Variants in PBRM1 observed in about 807,000 individuals in gnomAD.
PBRM1 encodes protein polybromo-1.
A neutral mutation model predicts 194.5 loss-of-function variants in PBRM1; 27 were observed. The observed-to-expected ratio is 0.14, with a 90% CI of 0.10 to 0.19. PBRM1 has a LOEUF of 0.19. PBRM1 is among the 10% of genes least tolerant of loss of function. The probability of loss-of-function intolerance (pLI) is 1.00; values close to 1 mark genes in which losing one functional copy is unlikely to be tolerated. For synonymous variants in PBRM1, 655 were observed against 693.2 expected, an observed-to-expected ratio of 0.94 and a Z score of 0.87; for missense variants, 1,466 against 2,077.2, an observed-to-expected ratio of 0.71 and a Z score of 5.72.
intron 6 of PBRM1, 60 bp downstream of exon 7, chr3:52,651,682 G>GA (rs2096496748): frequency 3.3e-6 from 3 of 922,008 alleles, no homozygotes; most frequent in Non-Finnish European, 5.0e-6. Context: ...AAGCTTCTAG[G>GA]AAAGATCATA....
At position 52,609,578 on chromosome 3, in the gene PBRM1, C is replaced by T; in HGVS notation, c.2302G>A (p.Asp768Asn). Residue 768 changes from aspartate to asparagine, a missense_variant, in exon 16 of 30, where the codon GAC becomes AAC. Asp to Asn is a conservative substitution (Grantham distance 23). Around this residue, in one of 5 missense-constraint regions of PBRM1, gnomAD observed 687 missense variants for 946.2 expected, o/e 0.73. Transcript: ENST00000296302. The surrounding 1 kb of genome is among the most constrained non-coding windows in gnomAD (Gnocchi z 4.1). ...AAAGTCACATTTGGGACATGAGAGT[C>T]CTCATCTCCCTCCAGGTCTCTGCGT... is the stretch of plus-strand genomic sequence containing the variant. The T allele has an allele frequency of 6.2e-7, 1 of 1,613,360 alleles. No individual in the cohort carries two copies. The highest frequency in any genetic ancestry group is 8.5e-7 in the Non-Finnish European group (1 of 1,179,618).
chr3:52,652,990 T>G (rs1251329542), intron 5 of PBRM1, among the ~76,000 whole-genome samples: 1 of 152,102 alleles, frequency 6.6e-6, no homozygotes, highest in Non-Finnish European at 1.5e-5. Context: ...AGAGCAAGAT[T>G]CCGTCTCAAA....
chr3:52,572,692 A>G (rs1018668192), intron 22 of PBRM1, among the ~76,000 whole-genome samples: 2 of 152,246 alleles, frequency 1.3e-5, no homozygotes, highest in African/African-American at 4.8e-5. Context: ...CTGTTTAAGT[A>G]AATGAAAACA....
chr3:52,586,576 G>A (rs1374811960), exon 20 of PBRM1: 1 of 1,613,834 alleles, frequency 6.2e-7, no homozygotes, highest in Non-Finnish European at 8.5e-7. Context: ...TGAGCTGATG[G>A]GCATGGTCCA....
intron 16 of PBRM1, among the ~76,000 whole-genome samples, chr3:52,604,473 G>T (rs958265710): frequency 3.9e-5 from 6 of 152,202 alleles, no homozygotes; most frequent in South Asian, 2.1e-4. Flanking sequence ...GGCCGAGGCG[G>T]GAGGACTGCT....
chr3:52,568,841 T>C (rs976383591), intron 22 of PBRM1, among the ~76,000 whole-genome samples: 10 of 152,196 alleles, frequency 6.6e-5, no homozygotes, highest in Non-Finnish European at 1.2e-4. Context: ...TAATATCTGG[T>C]AAGGATAGAT....
At chr3:52,547,838 A>G (rs1326808481), downstream of PBRM1, 7 of 434,746 alleles carry the variant, frequency 1.6e-5, no homozygotes, top group African/African-American at 2.1e-5. Context: ...AACGAAGGAA[A>G]CATATGCAAA....
At chr3:52,640,708 C>T (rs751029169) in intron 10 of PBRM1, among the ~76,000 whole-genome samples, 22 of 151,792 alleles carry the variant, frequency 1.4e-4, no homozygotes, top group Non-Finnish European at 2.4e-4. Flanking sequence ...GTGGTGTGAT[C>T]TCGGTTTACT....
chr3:52,668,065 G>A (rs1352378963), intron 3 of PBRM1, among the ~76,000 whole-genome samples: 1 of 152,212 alleles, frequency 6.6e-6, no homozygotes, highest in Non-Finnish European at 1.5e-5. Flanking sequence ...GGAGGCCAAG[G>A]CAGGCAGATT....
chr3:52,641,078 A>G (rs917672382), intron 10 of PBRM1, among the ~76,000 whole-genome samples: 14 of 152,224 alleles, frequency 9.2e-5, no homozygotes, highest in Admixed American at 8.5e-4. Context: ...AAATTTATAC[A>G]TAATAGCCTA....
chr3:52,567,814 T>G (rs1224631011), intron 22 of PBRM1, among the ~76,000 whole-genome samples: 2 of 147,880 alleles, frequency 1.4e-5, no homozygotes, highest in Non-Finnish European at 3.0e-5. Flanking sequence ...GTGTTTTTTT[T>G]TTTTTTTTTT....
At chr3:52,613,147 A>G (rs1576732990) in intron 15 of PBRM1, among the ~76,000 whole-genome samples, 1 of 151,866 alleles carries the variant, frequency 6.6e-6, no homozygotes, top group Admixed American at 6.6e-5. Context: ...TTTATCCTCA[A>G]AGACAAAGTG....
At chr3:52,578,143 C>T (rs34954168) in intron 21 of PBRM1, among the ~76,000 whole-genome samples, 51,926 of 151,860 alleles carry the variant, frequency 0.34, 9,889 homozygotes, top group Admixed American at 0.46. Context: ...GTTCAGCTGC[C>T]GACTTCTCAG....
intron 6 of PBRM1, among the ~76,000 whole-genome samples, chr3:52,651,035 T>C (rs1251242209): frequency 1.3e-5 from 2 of 152,206 alleles, no homozygotes; most frequent in East Asian, 1.9e-4. Flanking sequence ...TTCTCCTTCC[T>C]AGGCGGTGAT....
rs545068320 is a variant in PBRM1, at chr3:52,597,831, G to A, written c.2779+5690C>T. On this transcript the variant is annotated intron_variant, in intron 17 of 29. Coordinates refer to ENST00000296302, the Ensembl canonical transcript of PBRM1. ...CAATTCTCTTGCCTCAGCCTCCCGAGTAGCTGGGACTATAGGCATGTACCA... is the reference window on the plus strand; with the variant it reads ...CAATTCTCTTGCCTCAGCCTCCCGAATAGCTGGGACTATAGGCATGTACCA... 3.3e-5 allele frequency among the ~76,000 whole-genome samples: 5 copies of A among 152,238 alleles called. No homozygotes were observed. In the South Asian group the frequency reaches 1.0e-3, roughly 32 times the overall value.
intron 29 of PBRM1, among the ~76,000 whole-genome samples, chr3:52,549,838 G>C (rs2080438322): frequency 1.3e-5 from 2 of 151,958 alleles, no homozygotes; most frequent in Non-Finnish European, 2.9e-5. Context: ...CTGGGGGTCG[G>C]AGGTTGCAGT....
intron 2 of PBRM1, among the ~76,000 whole-genome samples, chr3:52,674,643 AATATAT>A (rs1189318541): frequency 8.7e-4 from 63 of 72,384 alleles, no homozygotes; most frequent in Middle Eastern, 8.9e-3. Flanking sequence ...AAAAAAAAAA[AATATAT>A]ATATATATAT....
At chr3:52,656,813 C>A (rs1478268824) in intron 5 of PBRM1, among the ~76,000 whole-genome samples, 1 of 152,142 alleles carries the variant, frequency 6.6e-6, no homozygotes, top group African/African-American at 2.4e-5. Context: ...CCTGTATACC[C>A]AGCTACTTGG....
At chr3:52,617,269 C>T in exon 14 of PBRM1, 1 of 1,613,002 alleles carries the variant, frequency 6.2e-7, no homozygotes. Context: ...TACCTGGGAG[C>T]CCTCCTCATT....
Sources: gnomAD v4.1 joint callset for allele counts (sites outside exome capture counted in the v4.1 genomes callset) on GRCh38, gnomAD v4.1.1 for gene constraint, gnomAD v4.1.1 regional missense constraint, Gnocchi (gnomAD v3.1) non-coding constraint, MANE v1.5 for transcripts, NCBI Gene and HGNC (gene_info 2026-07-23, HGNC 2026-07-21) for gene names.